Variants in SRGAP2C observed in about 807,000 individuals in gnomAD.
SRGAP2C encodes SLIT-ROBO Rho GTPase-activating protein 2C.
In SRGAP2C, 15 loss-of-function variants were observed where a neutral mutation model predicts 25.1. The observed-to-expected ratio is 0.60, with a 90% CI of 0.40 to 0.92. The LOEUF (loss-of-function observed/expected upper bound fraction) is 0.92. Among genes scored for constraint, SRGAP2C ranks in the 40% least tolerant of loss-of-function variants. The pLI, the probability that SRGAP2C is intolerant of heterozygous loss-of-function variation, is 0.00. For missense variants in SRGAP2C, 144 were observed against 264.4 expected (o/e 0.54, Z 3.16); for synonymous variants, 44 against 96.6 (o/e 0.46, Z 3.19).
chr1:121,212,970 G>A (rs1354178516), intron 2 of SRGAP2C, among the ~76,000 whole-genome samples: 1 of 127,550 alleles, frequency 7.8e-6, no homozygotes, highest in Non-Finnish European at 1.7e-5. Context: ...AAAGGTTGAA[G>A]CACCTCCAGT....
chr1:121,359,929 A>G (rs1553348256), intron 4 of SRGAP2C, among the ~76,000 whole-genome samples: 1 of 152,234 alleles, frequency 6.6e-6, no homozygotes, highest in Admixed American at 6.5e-5. Context: ...AAATGCACCA[A>G]TCAGCACTCT....
intron 3 of SRGAP2C, among the ~76,000 whole-genome samples, chr1:121,321,225 A>C (rs1658197413): frequency 1.5e-5 from 2 of 137,470 alleles, no homozygotes; most frequent in African/African-American, 5.7e-5. Context: ...ATTTGAATGG[A>C]TGTGTCACCG....
intron 4 of SRGAP2C, among the ~76,000 whole-genome samples, chr1:121,334,494 C>G (rs1473230656): frequency 6.7e-6 from 1 of 149,522 alleles, no homozygotes; most frequent in Non-Finnish European, 1.5e-5. Flanking sequence ...GAGATGGAGT[C>G]TCTGTCCCCC....
chr1:121,273,772 C>A (rs1465998712), intron 2 of SRGAP2C, among the ~76,000 whole-genome samples: 1 of 151,798 alleles, frequency 6.6e-6, no homozygotes, highest in Non-Finnish European at 1.5e-5. Flanking sequence ...ATTCTTGGAG[C>A]CTCCACTTCT....
chr1:121,356,486 A>ATTGTTTTTCCTCCTT (rs1553347631), intron 4 of SRGAP2C, among the ~76,000 whole-genome samples: 3 of 144,152 alleles, frequency 2.1e-5, no homozygotes, highest in Non-Finnish European at 3.0e-5. Flanking sequence ...CAAGCCATTG[A>ATTGTTTTTCCTCCTT]TTGTTTTTCC....
At chr1:121,280,211 TA>T (rs1248679066) in intron 2 of SRGAP2C, among the ~76,000 whole-genome samples, 11 of 145,806 alleles carry the variant, frequency 7.5e-5, no homozygotes, top group Non-Finnish European at 1.7e-4. Context: ...AGGAACCTTT[TA>T]AAAAAATTGG....
intron 4 of SRGAP2C, among the ~76,000 whole-genome samples, chr1:121,359,839 C>T (rs1246548506): frequency 1.3e-5 from 2 of 152,188 alleles, no homozygotes; most frequent in African/African-American, 4.8e-5. Flanking sequence ...GTGGACAGCA[C>T]ATAAGTAGAG....
chr1:121,296,377 A>G (rs1175004348), intron 3 of SRGAP2C, among the ~76,000 whole-genome samples: 2 of 132,156 alleles, frequency 1.5e-5, no homozygotes, highest in Non-Finnish European at 3.2e-5. Context: ...TACAGAGTGT[A>G]TAAAGGAATT....
At chr1:121,232,782 C>A (rs1655851178) in intron 2 of SRGAP2C, among the ~76,000 whole-genome samples, 1 of 151,988 alleles carries the variant, frequency 6.6e-6, no homozygotes. Context: ...ACCTGGAGAG[C>A]TTCATTTTGG....
intron 4 of SRGAP2C, among the ~76,000 whole-genome samples, chr1:121,347,623 G>A (rs1179913796): frequency 2.0e-5 from 3 of 152,222 alleles, no homozygotes; most frequent in Admixed American, 2.0e-4. Flanking sequence ...TGGCTGCAAA[G>A]CCCTAATGCC....
intron 3 of SRGAP2C, among the ~76,000 whole-genome samples, chr1:121,323,993 C>G (rs1235055374): frequency 6.6e-6 from 1 of 152,136 alleles, no homozygotes; most frequent in Admixed American, 6.5e-5. Context: ...TTCAGAATCA[C>G]CTTAGACCTG....
intron 2 of SRGAP2C, among the ~76,000 whole-genome samples, chr1:121,188,123 G>A (rs1282176504): frequency 1.4e-4 from 22 of 152,300 alleles, no homozygotes; most frequent in Admixed American, 9.8e-4. Flanking sequence ...ACCCACACCC[G>A]GTCTCCGCCC....
intron 2 of SRGAP2C, among the ~76,000 whole-genome samples, chr1:121,210,824 C>T (rs1410538558): frequency 1.3e-5 from 1 of 75,446 alleles, no homozygotes; most frequent in African/African-American, 5.8e-5. Flanking sequence ...GGTTTCACTG[C>T]TCCTAAGTTC....
chr1:121,378,961 G>A (rs587641466), intron 7 of SRGAP2C, among the ~76,000 whole-genome samples: 2 of 152,150 alleles, frequency 1.3e-5, no homozygotes, highest in Non-Finnish European at 2.9e-5. Context: ...TCATTTGATG[G>A]CATCTAAGAA....
chr1:121,191,767 T>C (rs1553319818), intron 2 of SRGAP2C, among the ~76,000 whole-genome samples: 1 of 150,816 alleles, frequency 6.6e-6, no homozygotes, highest in African/African-American at 2.4e-5. Flanking sequence ...ACCTTGAGTT[T>C]TTACAGTCTC....
At chr1:121,273,307 A>T (rs1657021131) in intron 2 of SRGAP2C, among the ~76,000 whole-genome samples, 1 of 97,462 alleles carries the variant, frequency 1.0e-5, no homozygotes, top group South Asian at 3.1e-4. Context: ...CAACTAAATC[A>T]GTTCTTATAA....
At position 121,382,801 on chromosome 1, in the gene SRGAP2C, A is replaced by T. The variant is rs1553355305; in HGVS notation, c.932A>T (p.Asp311Val). 1 of 625,912 alleles carries T rather than the reference A, an allele frequency of 1.6e-6. No homozygotes were observed. Among genetic ancestry groups the T allele is most frequent in the Non-Finnish European group, 2.9e-6 (1 of 348,176 alleles). 38.8% of individuals were successfully genotyped at this position (625,912 alleles called of 1,614,324 possible). A position where few individuals can be genotyped will look rare whatever the true frequency, so the allele number is the denominator to read the frequency against. The change falls in exon 8 of 10, where the codon GAT becomes GTT. Residue 311 changes from aspartate (D) to valine (V), a missense_variant. Transcript: ENST00000367123. Reference sequence around the variant, plus strand: ...GAACAGTCGAAGCATGAGGGTCTGGATGCCATCGAGAATGCAGTAGAAAAC... The same window carrying T: ...GAACAGTCGAAGCATGAGGGTCTGGTTGCCATCGAGAATGCAGTAGAAAAC... ...NLEQSKHEGL[D>V]AIENAVENLD...
intron 7 of SRGAP2C, among the ~76,000 whole-genome samples, chr1:121,380,482 T>C (rs1410347796): frequency 3.4e-5 from 5 of 147,822 alleles, no homozygotes; most frequent in Non-Finnish European, 7.5e-5. Flanking sequence ...GGAGTTGATG[T>C]TGGATGGGTA....
At chr1:121,347,025 T>A (rs1570796921) in intron 4 of SRGAP2C, among the ~76,000 whole-genome samples, 1 of 151,720 alleles carries the variant, frequency 6.6e-6, no homozygotes, top group East Asian at 1.9e-4. Context: ...TGAGCAGTGA[T>A]GCCCTCTTTG....
Sources: allele counts gnomAD v4.1 joint callset (sites outside exome capture counted in the v4.1 genomes callset), GRCh38; gene constraint gnomAD v4.1.1; transcripts MANE v1.5; gene names NCBI Gene and HGNC (gene_info 2026-07-23, HGNC 2026-07-21).